ABR: variants seen among roughly 807,000 people sequenced by gnomAD.
The protein encoded by ABR is ABR activator of RhoGEF and GTPase.
In ABR, 35 loss-of-function variants were observed where a neutral mutation model predicts 107.2. The ratio of observed to expected loss-of-function variants is 0.33; its 90% CI spans 0.25 to 0.43. ABR has a LOEUF of 0.43. Among genes scored for constraint, ABR ranks in the 20% least tolerant of loss-of-function variants. The probability of loss-of-function intolerance (pLI) is 1.00; values close to 1 mark genes in which losing one functional copy is unlikely to be tolerated. For missense variants in ABR, 815 were observed against 1,115.2 expected (o/e 0.73, Z 3.83); for synonymous variants, 498 against 462.0 (o/e 1.08, Z -1.00).
intron 16 of ABR, among the ~76,000 whole-genome samples, chr17:1,035,963 C>T (rs959055807): frequency 6.6e-6 from 1 of 151,768 alleles, no homozygotes; most frequent in Non-Finnish European, 1.5e-5. Flanking sequence ...CTGCCCTGTG[C>T]GAGCGGGAGG....
rs1297520046 is a variant in ABR at position 1,045,402 on chromosome 17, CCG to C, written c.1791+4646_1791+4647del. On this transcript the variant is annotated intron_variant, in intron 16 of 22. Coordinates refer to ENST00000302538, the MANE Select transcript of ABR (RefSeq NM_021962.5). ...CGTCTTCTTACAGCAGGACAATCTTCCGTCTTCTTACAGCAGGACAATCTTCC... is the reference window on the plus strand; with the variant it reads ...CGTCTTCTTACAGCAGGACAATCTTCTCTTCTTACAGCAGGACAATCTTCC... Among the ~76,000 whole-genome samples the C allele has an allele frequency of 2.9e-4, 37 of 125,848 alleles. 1 individual carries two copies. In the South Asian group the frequency reaches 3.5e-3, roughly 12 times the overall value. The allele number at this position is 125,848 out of a possible 152,430, so 82.6% of individuals were successfully genotyped here.
At chr17:1,064,648 G>T (rs1199492555) in intron 10 of ABR, among the ~76,000 whole-genome samples, 1 of 123,896 alleles carries the variant, frequency 8.1e-6, no homozygotes, top group East Asian at 2.4e-4. Context: ...TGAGGGCTAT[G>T]CATGTTCCTC....
At chr17:1,175,971 G>C (rs913089825) in intron 1 of ABR, among the ~76,000 whole-genome samples, 2 of 152,012 alleles carry the variant, frequency 1.3e-5, no homozygotes, top group African/African-American at 4.8e-5. Context: ...GGCGCCTGCA[G>C]TCCCAGCTAC....
At position 1,058,968 on chromosome 17, in the gene ABR, A is replaced by G. The variant is rs1273120763; in HGVS notation, c.1183-101T>C. The G allele has an allele frequency of 9.4e-6, 14 of 1,491,000 alleles. No individual in the cohort carries two copies. In the African/African-American group the frequency reaches 9.8e-5, roughly 10 times the overall value. The allele number at this position is 1,491,000 out of a possible 1,614,324, so 92.4% of individuals were successfully genotyped here. A position where few individuals can be genotyped will look rare whatever the true frequency, so the allele number is the denominator to read the frequency against. On this transcript the variant is annotated intron_variant, in intron 10 of 22. Transcript: ENST00000302538. The stretch of plus-strand genomic sequence containing the variant: ...CACTGTGTGTTAACATGCTCTTTAC[A>G]TTTTCCGTATTTCGTGATGTTTTGA...
intron 16 of ABR, chr17:1,031,745 G>A (rs1029654816): frequency 7.5e-6 from 9 of 1,199,076 alleles, no homozygotes; most frequent in African/African-American, 6.7e-5. Context: ...CGGTCATGCC[G>A]GGGGGGACGG....
chr17:1,102,023 G>A (rs920419795), intron 2 of ABR, among the ~76,000 whole-genome samples: 28 of 152,210 alleles, frequency 1.8e-4, no homozygotes, highest in East Asian at 3.9e-4. Context: ...GTGAGCCACC[G>A]CACCCTGCCG....
chr17:1,202,178 C>T (rs1328808264), intron 1 of ABR, among the ~76,000 whole-genome samples: 1 of 152,202 alleles, frequency 6.6e-6, no homozygotes, highest in East Asian at 1.9e-4. Flanking sequence ...GGTTGGGGCA[C>T]CACCATGCCC....
chr17:1,118,105 TC>T (rs1319846027), intron 2 of ABR, among the ~76,000 whole-genome samples: 6 of 7,516 alleles, frequency 8.0e-4, no homozygotes, highest in East Asian at 2.9e-3. Flanking sequence ...GCCTGAGTCC[TC>T]CCCAGCGTTA....
intron 1 of ABR, among the ~76,000 whole-genome samples, chr17:1,128,418 G>A (rs759611336): frequency 6.6e-6 from 1 of 152,210 alleles, no homozygotes; most frequent in African/African-American, 2.4e-5. Flanking sequence ...TTTCCCCGCC[G>A]ACTAACAGAA....
At chr17:1,184,106 G>A (rs888717566), upstream of ABR, among the ~76,000 whole-genome samples, 1 of 151,054 alleles carries the variant, frequency 6.6e-6, no homozygotes, top group Non-Finnish European at 1.5e-5. Flanking sequence ...GCAGTGAGCC[G>A]AGATCCTGTC....
In ABR at chr17:1,027,559, C is replaced by T. The variant is rs1043655168; in HGVS notation, c.1792-14395G>A. Among the ~76,000 whole-genome samples the T allele has an allele frequency of 2.6e-5, 4 of 152,172 alleles. No individual in the cohort carries two copies. Among genetic ancestry groups the T allele is most frequent in the Non-Finnish European group, 4.4e-5 (3 of 68,032 alleles). The stretch of plus-strand genomic sequence containing the variant: ...AGGCCCCAGCAGTGAGGTCTGCCCA[C>T]TCGGCAGGTGGGTAAGTGCTGTGGA... On this transcript the variant is annotated intron_variant, in intron 16 of 22. Coordinates refer to ENST00000302538, the MANE Select transcript of ABR (RefSeq NM_021962.5). This position sits in a 1 kb window ranked among gnomAD's most constrained non-coding sequence, Gnocchi z 4.7.
At chr17:1,207,476 C>T (rs1043470624) in intron 1 of ABR, among the ~76,000 whole-genome samples, 7 of 151,644 alleles carry the variant, frequency 4.6e-5, no homozygotes, top group Non-Finnish European at 7.4e-5. Flanking sequence ...ATGGCGAAAC[C>T]CCATCTCTGC....
intron 1 of ABR, among the ~76,000 whole-genome samples, chr17:1,206,353 C>G (rs2042788683): frequency 6.6e-6 from 1 of 152,168 alleles, no homozygotes; most frequent in African/African-American, 2.4e-5. Flanking sequence ...ACAAGCCTAG[C>G]TCAATATTAG....
At chr17:1,012,363 T>G in intron 18 of ABR, 1 of 644,758 alleles carries the variant, frequency 1.6e-6, no homozygotes, top group Non-Finnish European at 2.9e-6. Context: ...CACGTGCCCT[T>G]TCCCGAGGGG....
upstream of ABR, among the ~76,000 whole-genome samples, chr17:1,190,556 C>T (rs2042409623): frequency 6.6e-6 from 1 of 152,168 alleles, no homozygotes; most frequent in Non-Finnish European, 1.5e-5. Flanking sequence ...ATCGCTTGAA[C>T]CCAGAAGGCG....
intron 16 of ABR, among the ~76,000 whole-genome samples, chr17:1,024,935 C>T (rs578249867): frequency 1.3e-5 from 2 of 151,884 alleles, no homozygotes; most frequent in African/African-American, 4.8e-5. Context: ...GCCTGGCTAA[C>T]ACGGTGAAAC....
At chr17:1,021,274 C>T (rs2071604996) in intron 16 of ABR, among the ~76,000 whole-genome samples, 1 of 152,210 alleles carries the variant, frequency 6.6e-6, no homozygotes, top group Non-Finnish European at 1.5e-5. Flanking sequence ...GCCCCAAGAG[C>T]TCCCAGGCCT....
rs567864275 is a variant in ABR at position 1,042,848 on chromosome 17, C to T, written c.1791+7202G>A. Reference sequence around the variant, plus strand: ...ACGGACGGACGGGCAGATAAAGAGACGTGGCATCTACATCCAGGGAAATTG... The same window carrying T: ...ACGGACGGACGGGCAGATAAAGAGATGTGGCATCTACATCCAGGGAAATTG... On this transcript the variant is annotated intron_variant, in intron 16 of 22. Transcript: ENST00000302538. Among the ~76,000 whole-genome samples, 5 of 152,312 alleles carry T rather than the reference C, an allele frequency of 3.3e-5. No homozygotes were observed. The South Asian group carries it at 8.3e-4, about 25-fold the overall frequency.
intron 10 of ABR, among the ~76,000 whole-genome samples, chr17:1,064,179 T>C (rs1202236155): frequency 1.5e-5 from 2 of 135,780 alleles, no homozygotes; most frequent in South Asian, 5.1e-4. Flanking sequence ...GGGCTATGCA[T>C]GTTCCTCTAG....
Sources: allele counts gnomAD v4.1 joint callset (sites outside exome capture counted in the v4.1 genomes callset), GRCh38; gene constraint gnomAD v4.1.1; non-coding constraint Gnocchi (gnomAD v3.1); transcripts MANE v1.5; gene names NCBI Gene and HGNC (gene_info 2026-07-23, HGNC 2026-07-21).